The following SMYD3 variants were observed in gnomAD, a reference collection of about 807,000 sequenced individuals.
SMYD3 encodes histone-lysine N-methyltransferase SMYD3.
In SMYD3, 36 loss-of-function variants were observed where a neutral mutation model predicts 57.7. That is an observed-to-expected ratio of 0.62 (90% CI 0.48 to 0.82). SMYD3 has a LOEUF of 0.82. Ranked by LOEUF, SMYD3 falls within the 40% of genes least tolerant of loss-of-function variation. The pLI is 0.00. For missense variants in SMYD3, 515 were observed against 538.8 expected, an observed-to-expected ratio of 0.96 and a Z score of 0.44; for synonymous variants, 211 against 195.0, an observed-to-expected ratio of 1.08 and a Z score of -0.68.
At chr1:245,868,297 C>T (rs1558439699) in intron 8 of SMYD3, among the ~76,000 whole-genome samples, 1 of 152,210 alleles carries the variant, frequency 6.6e-6, no homozygotes. Context: ...AAAGCCCATG[C>T]TCTTTCTAGT....
At chr1:246,485,140 A>G (rs1019532112) in intron 1 of SMYD3, among the ~76,000 whole-genome samples, 12 of 151,860 alleles carry the variant, frequency 7.9e-5, no homozygotes, top group Non-Finnish European at 1.5e-4. Context: ...CTGAAAACAC[A>G]TGACTTCAAC....
At chr1:246,253,517 T>C (rs6696588) in intron 5 of SMYD3, among the ~76,000 whole-genome samples, 31,584 of 152,190 alleles carry the variant, frequency 0.21, 3,993 homozygotes, top group East Asian at 0.58. Flanking sequence ...TCCAGTCTAC[T>C]GTTGCTAGGC....
At chr1:246,489,995 T>TAA (rs1405712564) in intron 1 of SMYD3, among the ~76,000 whole-genome samples, 1 of 122,840 alleles carries the variant, frequency 8.1e-6, no homozygotes, top group Admixed American at 1.1e-4. Context: ...CCTTGCTAAT[T>TAA]TTTTCCTTTT....
intron 2 of SMYD3, among the ~76,000 whole-genome samples, chr1:246,354,765 G>T (rs1052938536): frequency 6.6e-6 from 1 of 152,068 alleles, no homozygotes; most frequent in Admixed American, 6.6e-5. Context: ...ATTGAAGTCG[G>T]GGGGCAATAA....
chr1:246,408,324 C>T (rs116552025), intron 1 of SMYD3, among the ~76,000 whole-genome samples: 205 of 152,152 alleles, frequency 1.3e-3, no homozygotes, highest in African/African-American at 4.8e-3. Flanking sequence ...TTATCTAAGA[C>T]TCTCCCTTCA....
chr1:246,096,755 G>GT (rs1488996908), intron 5 of SMYD3, among the ~76,000 whole-genome samples: 2 of 147,142 alleles, frequency 1.4e-5, no homozygotes, highest in African/African-American at 2.7e-5. Flanking sequence ...GGTTATGATT[G>GT]TAACAAATGT....
chr1:246,089,761 C>T (rs2060788950), intron 5 of SMYD3, among the ~76,000 whole-genome samples: 1 of 152,174 alleles, frequency 6.6e-6, no homozygotes, highest in Admixed American at 6.5e-5. Flanking sequence ...GTAGACAAAA[C>T]TTTTAGACCT....
At chr1:246,444,269 G>T (rs917388934) in intron 1 of SMYD3, among the ~76,000 whole-genome samples, 2 of 152,062 alleles carry the variant, frequency 1.3e-5, no homozygotes, top group Non-Finnish European at 2.9e-5. Flanking sequence ...GGGATTACAG[G>T]CATGTGCCAC....
At chr1:246,235,627 C>G (rs1275107712) in intron 5 of SMYD3, among the ~76,000 whole-genome samples, 1 of 152,186 alleles carries the variant, frequency 6.6e-6, no homozygotes, top group Non-Finnish European at 1.5e-5. Context: ...CAACTCAAAA[C>G]AGACCTTCCC....
intron 5 of SMYD3, among the ~76,000 whole-genome samples, chr1:246,196,151 C>T (rs768468455): frequency 6.6e-6 from 1 of 152,016 alleles, no homozygotes; most frequent in African/African-American, 2.4e-5. Context: ...GTTCTTTAGG[C>T]CTGGGCAGGG....
intron 5 of SMYD3, among the ~76,000 whole-genome samples, chr1:246,060,307 C>G (rs1445974791): frequency 2.0e-5 from 3 of 148,854 alleles, no homozygotes; most frequent in Non-Finnish European, 4.5e-5. Flanking sequence ...ATAAAGGTTG[C>G]GTTTTTTTTT....
At chr1:246,128,388 T>C (rs1005433406) in intron 5 of SMYD3, among the ~76,000 whole-genome samples, 3 of 152,208 alleles carry the variant, frequency 2.0e-5, no homozygotes, top group Non-Finnish European at 4.4e-5. Flanking sequence ...TCCAGCATGC[T>C]GAAAAGTGTC....
intron 5 of SMYD3, among the ~76,000 whole-genome samples, chr1:246,289,144 T>C (rs1572341827): frequency 6.6e-6 from 1 of 152,216 alleles, no homozygotes; most frequent in East Asian, 1.9e-4. Context: ...TAAAAAGCGA[T>C]TGTTAATTAA....
chr1:246,291,773 A>C (rs2064695623), intron 5 of SMYD3, among the ~76,000 whole-genome samples: 1 of 152,236 alleles, frequency 6.6e-6, no homozygotes, highest in Admixed American at 6.5e-5. Context: ...TAATTACAGT[A>C]GAAAGAAGAA....
rs926269759 is a variant in SMYD3, at chr1:246,204,169, A to C, written c.531+123032T>G. Among the ~76,000 whole-genome samples, 3 of 152,276 alleles carry C rather than the reference A, an allele frequency of 2.0e-5. No homozygotes were observed. The East Asian group carries it at 5.8e-4, about 29-fold the overall frequency. ...GATAATAAAAACAGAAACTCCCCCC[A>C]AAAACTGTAAGTGGGCCAAATAAAA... On this transcript the variant is annotated intron_variant, in intron 5 of 11. Transcript: ENST00000490107.
intron 8 of SMYD3, among the ~76,000 whole-genome samples, chr1:245,907,375 AAAT>A (rs1440543435): frequency 6.6e-6 from 1 of 152,202 alleles, no homozygotes; most frequent in Non-Finnish European, 1.5e-5. Flanking sequence ...TTAAAAAATA[AAAT>A]AATTTAAAGT....
chr1:246,138,356 A>C (rs2148101049), intron 5 of SMYD3, among the ~76,000 whole-genome samples: 1 of 152,258 alleles, frequency 6.6e-6, no homozygotes, highest in Non-Finnish European at 1.5e-5. Context: ...ACTGAAAACA[A>C]AAAACAAAAA....
At chr1:246,448,124 G>A (rs113486605) in intron 1 of SMYD3, among the ~76,000 whole-genome samples, 2 of 152,328 alleles carry the variant, frequency 1.3e-5, no homozygotes, top group African/African-American at 4.8e-5. Flanking sequence ...GGCTGAGGCA[G>A]GAGAATTGCT....
intron 1 of SMYD3, among the ~76,000 whole-genome samples, chr1:246,363,223 C>T (rs1267496188): frequency 6.7e-6 from 1 of 149,726 alleles, no homozygotes; most frequent in Non-Finnish European, 1.5e-5. Context: ...CGTCTCCGCC[C>T]GGCAGCCACC....
Sources: allele counts gnomAD v4.1 joint callset (sites outside exome capture counted in the v4.1 genomes callset), GRCh38; gene constraint gnomAD v4.1.1; transcripts MANE v1.5; gene names NCBI Gene and HGNC (gene_info 2026-07-23, HGNC 2026-07-21).